The following VLDLR variants were observed in gnomAD, a reference collection of about 807,000 sequenced individuals.
VLDLR encodes the protein very low-density lipoprotein receptor.
VLDLR carries 81 observed loss-of-function variants against 112.7 expected under a neutral mutation model. The observed-to-expected ratio is 0.72, with a 90% CI of 0.60 to 0.86. The LOEUF (loss-of-function observed/expected upper bound fraction) is 0.86, where lower values mean the gene tolerates loss of function less well. VLDLR is among the 40% of genes least tolerant of loss of function. The pLI, the probability that VLDLR is intolerant of heterozygous loss-of-function variation, is 0.00. For synonymous variants in VLDLR, 436 were observed against 384.8 expected (o/e 1.13, Z -1.56); for missense variants, 1,237 against 1,099.4 (o/e 1.13, Z -1.77).
At chr9:2,648,157 A>T in intron 12 of VLDLR, 51 bp from the exon 13 acceptor site, 1 of 1,611,442 alleles carries the variant, frequency 6.2e-7, no homozygotes, top group Non-Finnish European at 8.5e-7. Context: ...TTTTAATGGA[A>T]GCCAGAGTAG....
chr9:2,656,995 C>CT lies in VLDLR; in HGVS notation c.*3129dup, dbSNP rs1181692280. ...ATTGAGGCTTTCACTTTGGCATTTG[C>CT]TTCTGTTCCTTGTATCTGTGGAAGT... On this transcript the variant is annotated 3_prime_UTR_variant, in exon 19 of 19. Transcript: ENST00000382100. 7.1e-6 allele frequency: 1 copy of CT among 140,390 alleles called. No individual in the cohort carries two copies. The highest frequency in any genetic ancestry group is 1.5e-5 in the Non-Finnish European group (1 of 65,150). The allele number at this position is 140,390 out of a possible 1,614,324, so 8.7% of individuals were successfully genotyped here. A position where few individuals can be genotyped will look rare whatever the true frequency, so the allele number is the denominator to read the frequency against.
intron 1 of VLDLR, among the ~76,000 whole-genome samples, chr9:2,622,741 G>T (rs983373728): frequency 1.3e-5 from 2 of 152,270 alleles, no homozygotes; most frequent in Admixed American, 1.3e-4. Flanking sequence ...GCGCCTCCGG[G>T]GACGCGGAGC....
rs144551353 is a variant in VLDLR, at chr9:2,643,769, T to C, written c.943+19T>C. The stretch of plus-strand genomic sequence containing the variant: ...AAAAATGGTAAGGGTTTCTTCTTGT[T>C]GGTTAAGCAATGGATTGCTCTGACC... On this transcript the variant is annotated intron_variant, in intron 6 of 18. Transcript: ENST00000382100. 759 of 1,614,184 alleles carry C rather than the reference T, an allele frequency of 4.7e-4. 6 individuals carry two copies. Among genetic ancestry groups the C allele is most frequent in the East Asian group, 2.9e-3 (132 of 44,888 alleles).
In VLDLR at chr9:2,646,369, A is replaced by G; in HGVS notation, c.1520A>G (p.Lys507Arg). The change falls in exon 11 of 19, where the codon AAA (lysine) becomes AGA (arginine). Residue 507 changes from lysine (K) to arginine (R), a missense_variant. Transcript: ENST00000382100. ...GATGACAAGGTTGGTAGACATGTTA[A>G]AATGATCGACAATGTCTATAATCCT... ...SIDDKVGRHV[K>R]MIDNVYNPAA... 1 of 1,614,212 alleles carries G rather than the reference A, an allele frequency of 6.2e-7. No homozygotes were observed. The highest frequency in any genetic ancestry group is 8.5e-7 in the Non-Finnish European group (1 of 1,180,026).
intron 16 of VLDLR, among the ~76,000 whole-genome samples, 187 bp from the exon 17 acceptor site, chr9:2,651,687 T>C (rs1818351621): frequency 6.6e-6 from 1 of 152,220 alleles, no homozygotes; most frequent in Non-Finnish European, 1.5e-5. Context: ...AGTAGAGAAC[T>C]GTCAGTGAAA....
intron 1 of VLDLR, among the ~76,000 whole-genome samples, chr9:2,624,993 A>G (rs906662000): frequency 2.6e-5 from 4 of 152,238 alleles, no homozygotes; most frequent in African/African-American, 9.6e-5. Flanking sequence ...AGATACTTAA[A>G]GCATGTATAA....
rs1401206049 is a variant in VLDLR at position 2,659,480 on chromosome 9, A to G, written c.*5612A>G. The stretch of plus-strand genomic sequence containing the variant: ...CCTTCAAGACGCTAGACATTCCAGA[A>G]TTATTTTCCTTGGCCATCCAAGTGA... On this transcript the variant is annotated 3_prime_UTR_variant, in exon 19 of 19. Transcript: ENST00000382100. The G allele has an allele frequency of 6.6e-6, 1 of 152,252 alleles. No homozygotes were observed. The highest frequency in any genetic ancestry group is 1.5e-5 in the Non-Finnish European group (1 of 68,038). The allele number at this position is 152,252 out of a possible 1,614,324, so 9.4% of individuals were successfully genotyped here.
chr9:2,653,470 T>A (rs1818448518), intron 18 of VLDLR, among the ~76,000 whole-genome samples: 1 of 152,182 alleles, frequency 6.6e-6, no homozygotes, highest in African/African-American at 2.4e-5. Flanking sequence ...GGCCTTCACG[T>A]AGGAAACAGG....
In VLDLR at chr9:2,654,844, C is replaced by T. The variant is rs1034051176; in HGVS notation, c.*976C>T. 6.6e-6 allele frequency: 1 copy of T among 152,068 alleles called. No individual in the cohort carries two copies. Among genetic ancestry groups the T allele is most frequent in the African/African-American group, 2.4e-5 (1 of 41,404 alleles). 9.4% of individuals were successfully genotyped at this position (152,068 alleles called of 1,614,324 possible). ...TCCATGTTCTGTCATTTATATAGGT[C>T]AAGGACAAGTGCCTTCTAAGGCATG... On this transcript the variant is annotated 3_prime_UTR_variant, in exon 19 of 19. Transcript: ENST00000382100.
Position 2,652,777 on chromosome 9 carries a change from C to G in VLDLR, c.2417-3C>G. The G allele has an allele frequency of 3.7e-6, 6 of 1,613,928 alleles. No individual in the cohort carries two copies. Among genetic ancestry groups the G allele is most frequent in the Non-Finnish European group, 5.1e-6 (6 of 1,179,926 alleles). On this transcript the variant is annotated splice_polypyrimidine_tract_variant and splice_region_variant and intron_variant, in intron 17 of 18. Coordinates refer to ENST00000382100, the MANE Select transcript of VLDLR (RefSeq NM_003383.5). ...CACTTAGCTACCCTCTGATTTTTTT[C>G]AGTGCTCTTAGTGATGGCAGCAGTA...
chr9:2,641,619 C>T, intron 4 of VLDLR, 120 bp downstream of exon 4: 1 of 1,425,050 alleles, frequency 7.0e-7, no homozygotes. Context: ...TCAGTGACTT[C>T]ACTATCTGCT....
intron 17 of VLDLR, 40 bp downstream of exon 17, chr9:2,651,994 T>C (rs1318839855): frequency 6.3e-7 from 1 of 1,597,266 alleles, no homozygotes; most frequent in East Asian, 2.2e-5. Context: ...AAGAACTTCT[T>C]AGATACCAGA....
intron 12 of VLDLR, 136 bp from the exon 13 acceptor site, chr9:2,648,072 A>C: frequency 8.4e-7 from 1 of 1,197,216 alleles, no homozygotes; most frequent in East Asian, 2.5e-5. Context: ...CTGCTTCGCA[A>C]GGTTTATGGT....
In VLDLR at chr9:2,622,205, C is replaced by A. The variant is rs1250322516; in HGVS notation, c.16C>A (p.Leu6Ile). ...GGCGGGCACCATGGGCACGTCCGCG[C>A]TCTGGGCGCTCTGGCTGCTGCTCGC... Reference protein sequence around the residue: MGTSALWALWLLLALC... With the variant: MGTSAIWALWLLLALC... The change falls in exon 1 of 19, where the codon CTC becomes ATC. Residue 6 changes from leucine (L) to isoleucine (I), a missense_variant. Transcript: ENST00000382100. 10 of 1,500,792 alleles carry A rather than the reference C, an allele frequency of 6.7e-6. No homozygotes were observed. Among genetic ancestry groups the A allele is most frequent in the Middle Eastern group, 1.8e-4 (1 of 5,628 alleles). 93.0% of individuals were successfully genotyped at this position (1,500,792 alleles called of 1,614,324 possible).
intron 4 of VLDLR, among the ~76,000 whole-genome samples, chr9:2,641,707 T>G (rs1265680130): frequency 6.6e-6 from 1 of 152,164 alleles, no homozygotes; most frequent in Non-Finnish European, 1.5e-5. Context: ...TGGTGTTTCT[T>G]TTAGGCAAAT....
At chr9:2,645,204 A>G in intron 9 of VLDLR, 122 bp downstream of exon 9, 1 of 1,405,696 alleles carries the variant, frequency 7.1e-7, no homozygotes, top group East Asian at 2.3e-5. Context: ...AATGCTGCTA[A>G]CCTCATAATA....
chr9:2,622,668 C>T (rs543452308), intron 1 of VLDLR, among the ~76,000 whole-genome samples: 28 of 152,368 alleles, frequency 1.8e-4, no homozygotes, highest in Non-Finnish European at 3.4e-4. Context: ...AAGACGTGTG[C>T]GGCAGCCTCG....
At chr9:2,649,303 T>C (rs1298527711) in intron 14 of VLDLR, among the ~76,000 whole-genome samples, 1 of 152,182 alleles carries the variant, frequency 6.6e-6, no homozygotes, top group East Asian at 1.9e-4. Context: ...TCCAGGCCTC[T>C]TCTTGGTCTG....
At chr9:2,638,732 A>C (rs1817703389) in intron 2 of VLDLR, among the ~76,000 whole-genome samples, 1 of 152,214 alleles carries the variant, frequency 6.6e-6, no homozygotes, top group South Asian at 2.1e-4. Flanking sequence ...AAAAAATTGC[A>C]TGGTAACCCT....
Sources: gnomAD v4.1 joint callset for allele counts (sites outside exome capture counted in the v4.1 genomes callset) on GRCh38, gnomAD v4.1.1 for gene constraint, MANE v1.5 for transcripts, NCBI Gene and HGNC (gene_info 2026-07-23, HGNC 2026-07-21) for gene names.